The following SGK3 variants were observed in gnomAD, a reference collection of about 807,000 sequenced individuals.
The protein encoded by SGK3 is serum/glucocorticoid regulated kinase family member 3.
A neutral mutation model predicts 68.5 loss-of-function variants in SGK3; 47 were observed. The observed-to-expected ratio is 0.69, with a 90% CI of 0.54 to 0.87. SGK3 has a LOEUF of 0.87. Among genes scored for constraint, SGK3 ranks in the 40% least tolerant of loss-of-function variants. The probability of loss-of-function intolerance (pLI) is 0.00; values close to 1 mark genes in which losing one functional copy is unlikely to be tolerated. For synonymous variants in SGK3, 181 were observed against 189.1 expected, an observed-to-expected ratio of 0.96 and a Z score of 0.35; for missense variants, 479 against 575.5, an observed-to-expected ratio of 0.83 and a Z score of 1.72.
At chr8:66,744,242 C>G (rs928985302) in intron 1 of SGK3, among the ~76,000 whole-genome samples, 1 of 151,822 alleles carries the variant, frequency 6.6e-6, no homozygotes, top group African/African-American at 2.4e-5. Flanking sequence ...GCATTGCTCC[C>G]TTGTCTTCTA....
At chr8:66,852,322 G>A (rs974328896) in intron 16 of SGK3, among the ~76,000 whole-genome samples, 5 of 125,048 alleles carry the variant, frequency 4.0e-5, no homozygotes, top group South Asian at 2.4e-4. Flanking sequence ...TTGCTCTGTC[G>A]CCAGTCTGGA....
chr8:66,825,825 C>CT (rs1205330687), intron 6 of SGK3, among the ~76,000 whole-genome samples: 6 of 152,280 alleles, frequency 3.9e-5, no homozygotes, highest in African/African-American at 1.4e-4. Context: ...GTACAATTGT[C>CT]TAATTCGATA....
intron 1 of SGK3, among the ~76,000 whole-genome samples, chr8:66,784,989 C>A (rs1807141866): frequency 6.6e-6 from 1 of 152,130 alleles, no homozygotes; most frequent in African/African-American, 2.4e-5. Context: ...ACACTCAGAG[C>A]CTGCTGTGTA....
intron 10 of SGK3, chr8:66,839,789 A>T: frequency 4.0e-6 from 2 of 494,712 alleles, no homozygotes; most frequent in South Asian, 6.5e-5. Flanking sequence ...GCAAGGGTAA[A>T]CAAAGACACG....
At chr8:66,808,826 G>C (rs1308469271) in intron 4 of SGK3, among the ~76,000 whole-genome samples, 1 of 150,700 alleles carries the variant, frequency 6.6e-6, no homozygotes, top group Non-Finnish European at 1.5e-5. Flanking sequence ...CCTGTAATTT[G>C]TAACTTAATT....
rs1809691021 is a variant in SGK3 at position 66,839,518 on chromosome 8, T to TAC, written c.742-484_742-483insCA. Among the ~76,000 whole-genome samples the TAC allele has an allele frequency of 3.0e-4, 13 of 43,810 alleles. No individual in the cohort carries two copies. The South Asian group carries it at 6.9e-3, about 23-fold the overall frequency. The allele number at this position is 43,810 out of a possible 152,430, so 28.7% of individuals were successfully genotyped here. On this transcript the variant is annotated intron_variant, in intron 10 of 16. Coordinates refer to ENST00000521198, the MANE Select transcript of SGK3 (RefSeq NM_001033578.3). ...ATGGAGATATATATATATATATATA[T>TAC]ATATATATATATATATATATATATA...
chr8:66,827,939 CTG>C (rs925592236), intron 6 of SGK3, among the ~76,000 whole-genome samples: 62 of 152,086 alleles, frequency 4.1e-4, no homozygotes, highest in African/African-American at 1.5e-3. Flanking sequence ...CTGGCTAACA[CTG>C]TGAAACCCCG....
chr8:66,764,219 G>A (rs1467316143), intron 1 of SGK3, among the ~76,000 whole-genome samples: 4 of 152,018 alleles, frequency 2.6e-5, no homozygotes, highest in African/African-American at 9.7e-5. Flanking sequence ...CCTGAATAGA[G>A]TTTAAGATTT....
chr8:66,747,858 TTTG>T, intron 1 of SGK3, among the ~76,000 whole-genome samples: 1 of 152,346 alleles, frequency 6.6e-6, no homozygotes, highest in South Asian at 2.1e-4. Context: ...GTCTATTTGA[TTTG>T]TTAAGTCTCT....
At chr8:66,723,587 G>A (rs1288123285) in intron 1 of SGK3, among the ~76,000 whole-genome samples, 4 of 152,108 alleles carry the variant, frequency 2.6e-5, no homozygotes, top group Non-Finnish European at 5.9e-5. Context: ...GGGAATACAG[G>A]CATGTACCAC....
chr8:66,825,711 A>G (rs1296616853), intron 6 of SGK3, among the ~76,000 whole-genome samples: 4 of 152,202 alleles, frequency 2.6e-5, no homozygotes, highest in Non-Finnish European at 5.9e-5. Flanking sequence ...ATAGAGGCCA[A>G]GGGAAGTCAA....
At chr8:66,723,456 A>G (rs1804883265) in intron 1 of SGK3, among the ~76,000 whole-genome samples, 1 of 151,668 alleles carries the variant, frequency 6.6e-6, no homozygotes, top group African/African-American at 2.4e-5. Flanking sequence ...GAAAGAAAAG[A>G]AAAAAGAAAA....
At chr8:66,747,889 G>T (rs746922284) in intron 1 of SGK3, among the ~76,000 whole-genome samples, 4 of 152,208 alleles carry the variant, frequency 2.6e-5, no homozygotes, top group Non-Finnish European at 5.9e-5. Context: ...ATGATGCAAT[G>T]TGCTTTGCTG....
At chr8:66,744,514 TA>T (rs1554593743) in intron 1 of SGK3, among the ~76,000 whole-genome samples, 549 of 28,938 alleles carry the variant, frequency 0.019, 4 homozygotes, top group African/African-American at 0.038. Flanking sequence ...TATATATATA[TA>T]TATATTTTTT....
intron 1 of SGK3, among the ~76,000 whole-genome samples, chr8:66,739,596 A>G (rs1452589684): frequency 6.6e-6 from 1 of 152,076 alleles, no homozygotes; most frequent in Non-Finnish European, 1.5e-5. Flanking sequence ...GGGTTTCACC[A>G]TGTTGGCCAG....
chr8:66,714,515 A>C (rs1178273065), intron 1 of SGK3, among the ~76,000 whole-genome samples: 3 of 152,034 alleles, frequency 2.0e-5, no homozygotes, highest in Non-Finnish European at 4.4e-5. Flanking sequence ...CCCCTCCCTT[A>C]TCTCTCTCTC....
intron 6 of SGK3, 117 bp downstream of exon 6, chr8:66,822,576 T>C (rs376669450): frequency 1.1e-6 from 1 of 912,104 alleles, no homozygotes; most frequent in Non-Finnish European, 1.6e-6. Flanking sequence ...GTTTCTACTA[T>C]GTAGAACACA....
chr8:66,803,559 AC>A (rs1808037163), intron 3 of SGK3, among the ~76,000 whole-genome samples: 1 of 151,940 alleles, frequency 6.6e-6, no homozygotes, highest in Non-Finnish European at 1.5e-5. Flanking sequence ...TGAAAATATA[AC>A]TCATTTTTAT....
intron 1 of SGK3, among the ~76,000 whole-genome samples, chr8:66,756,121 A>C (rs1342496198): frequency 6.6e-6 from 1 of 152,092 alleles, no homozygotes; most frequent in African/African-American, 2.4e-5. Flanking sequence ...AAGAAGAGGA[A>C]ATTTGGACTT....
Sources: gnomAD v4.1 joint callset for allele counts (sites outside exome capture counted in the v4.1 genomes callset) on GRCh38, gnomAD v4.1.1 for gene constraint, MANE v1.5 for transcripts, NCBI Gene and HGNC (gene_info 2026-07-23, HGNC 2026-07-21) for gene names.